MAGI1: variants seen among roughly 807,000 people sequenced by gnomAD.
MAGI1 encodes membrane-associated guanylate kinase, WW and PDZ domain-containing protein 1.
A neutral mutation model predicts 139.9 loss-of-function variants in MAGI1; 58 were observed. The ratio of observed to expected loss-of-function variants is 0.41; its 90% confidence interval spans 0.34 to 0.52. MAGI1 has a LOEUF of 0.52. Ranked by LOEUF, MAGI1 falls within the 20% of genes least tolerant of loss-of-function variation. The pLI is 0.12. For synonymous variants in MAGI1, 812 were observed against 737.9 expected (o/e 1.10, Z -1.63); for missense variants, 1,874 against 1,901.6 (o/e 0.99, Z 0.27).
At position 65,666,821 on chromosome 3, in the gene MAGI1, G is replaced by C. The variant is rs146339910; in HGVS notation, c.314-44733C>G. Among the ~76,000 whole-genome samples the C allele has an allele frequency of 8.0e-4, 122 of 152,274 alleles. 1 individual carries two copies. The highest frequency in any genetic ancestry group is 2.7e-3 in the African/African-American group (113 of 41,564). On this transcript the variant is annotated intron_variant, in intron 1 of 22. Transcript: ENST00000402939. ...GGATTCATCACAGATCAATCACGGAGACAGCTTTGGACTCTTCCAGAAATT... is the reference window on the plus strand; with the variant it reads ...GGATTCATCACAGATCAATCACGGACACAGCTTTGGACTCTTCCAGAAATT...
At chr3:65,643,673 A>G (rs1026003043) in intron 1 of MAGI1, among the ~76,000 whole-genome samples, 4 of 149,616 alleles carry the variant, frequency 2.7e-5, no homozygotes, top group African/African-American at 9.8e-5. Context: ...AACAACAACA[A>G]CAACAACAAA....
At chr3:65,833,399 T>C (rs777180187) in intron 1 of MAGI1, among the ~76,000 whole-genome samples, 21 of 152,006 alleles carry the variant, frequency 1.4e-4, no homozygotes, top group Non-Finnish European at 2.4e-4. Context: ...GATTACAGGT[T>C]TGAGCCACCA....
chr3:65,669,828 C>T lies in MAGI1; in HGVS notation c.314-47740G>A, dbSNP rs139599076. Among the ~76,000 whole-genome samples, 816 of 152,238 alleles carry T rather than the reference C, an allele frequency of 5.4e-3. 8 individuals are homozygous for T. Among genetic ancestry groups the T allele is most frequent in the South Asian group, 0.039 (190 of 4,812 alleles). On this transcript the variant is annotated intron_variant, in intron 1 of 22. Transcript: ENST00000402939. ...TCAGCCAGAATTGTGTAAGCTGAAC[C>T]AATTGAGATGCCTATGGTGTTGGTT...
At chr3:65,476,488 G>A (rs573092765) in intron 4 of MAGI1, among the ~76,000 whole-genome samples, 1 of 152,164 alleles carries the variant, frequency 6.6e-6, no homozygotes, top group African/African-American at 2.4e-5. Flanking sequence ...CAGATTTTCT[G>A]AGGCATGGCT....
intron 1 of MAGI1, among the ~76,000 whole-genome samples, chr3:65,772,831 C>G (rs79055056): frequency 0.049 from 7,530 of 152,236 alleles, 268 homozygotes; most frequent in Non-Finnish European, 0.075. Context: ...GAATTTCTTG[C>G]ATTTACAAAT....
intron 1 of MAGI1, among the ~76,000 whole-genome samples, chr3:65,875,660 G>T (rs145967887): frequency 0.012 from 1,796 of 152,192 alleles, 18 homozygotes; most frequent in Middle Eastern, 0.041. Context: ...ACTACAATAG[G>T]TCATACTGTA....
In MAGI1 at chr3:65,995,072, C is replaced by G. The variant is rs952181205; in HGVS notation, c.313+42924G>C. Among the ~76,000 whole-genome samples, 38 of 152,174 alleles carry G rather than the reference C, an allele frequency of 2.5e-4. 1 individual carries two copies. The highest frequency in any genetic ancestry group is 2.1e-4 in the South Asian group (1 of 4,816). On this transcript the variant is annotated intron_variant, in intron 1 of 22. Transcript: ENST00000402939. ...AGCTCCTCCATCCACATATAAGTTTCTCGGGGACAAAAACATTGTCTGTTC... is the reference window on the plus strand; with the variant it reads ...AGCTCCTCCATCCACATATAAGTTTGTCGGGGACAAAAACATTGTCTGTTC...
intron 1 of MAGI1, among the ~76,000 whole-genome samples, chr3:65,799,482 C>G (rs986149157): frequency 2.0e-5 from 3 of 152,166 alleles, no homozygotes; most frequent in Non-Finnish European, 4.4e-5. Flanking sequence ...GAGTCTCTAT[C>G]TGCTGATGAA....
intron 3 of MAGI1, among the ~76,000 whole-genome samples, chr3:65,492,323 C>A (rs966205146): frequency 6.6e-6 from 1 of 152,192 alleles, no homozygotes; most frequent in Non-Finnish European, 1.5e-5. Context: ...TTTGACCCAG[C>A]AATGGGATCT....
chr3:65,656,371 T>A (rs2085875458), intron 1 of MAGI1, among the ~76,000 whole-genome samples: 1 of 152,166 alleles, frequency 6.6e-6, no homozygotes, highest in African/African-American at 2.4e-5. Flanking sequence ...ATATTGGAAA[T>A]GAGGTGAAGT....
intron 12 of MAGI1, among the ~76,000 whole-genome samples, chr3:65,423,139 T>A (rs1946752692): frequency 6.6e-6 from 1 of 152,150 alleles, no homozygotes; most frequent in South Asian, 2.1e-4. Flanking sequence ...CCCAACATTA[T>A]TAAGATATCA....
chr3:65,812,044 G>A (rs1031023778), intron 1 of MAGI1, among the ~76,000 whole-genome samples: 1 of 151,944 alleles, frequency 6.6e-6, no homozygotes, highest in African/African-American at 2.4e-5. Context: ...CGGGAGAGGA[G>A]GTAATCTCAT....
intron 2 of MAGI1, among the ~76,000 whole-genome samples, chr3:65,544,319 G>A (rs2079398856): frequency 1.3e-5 from 2 of 152,176 alleles, no homozygotes; most frequent in Non-Finnish European, 2.9e-5. Context: ...CATACCTGTA[G>A]TTGTGCTAGT....
At chr3:65,426,161 AGAG>A (rs1380396359) in intron 12 of MAGI1, among the ~76,000 whole-genome samples, 1 of 152,116 alleles carries the variant, frequency 6.6e-6, no homozygotes. Context: ...ATGTTGATGA[AGAG>A]GAGATTTGTA....
At chr3:65,702,003 A>AT (rs1230670129) in intron 1 of MAGI1, among the ~76,000 whole-genome samples, 3 of 151,626 alleles carry the variant, frequency 2.0e-5, no homozygotes, top group Non-Finnish European at 2.9e-5. Context: ...TTATTTATTT[A>AT]TTTTTTTTGC....
In MAGI1 at chr3:65,680,021, G is replaced by A. The variant is rs77517249; in HGVS notation, c.314-57933C>T. 0.011 allele frequency among the ~76,000 whole-genome samples: 1,742 copies of A among 152,218 alleles called. 103 individuals carry two copies. In the East Asian group the frequency reaches 0.19, roughly 17 times the overall value. On this transcript the variant is annotated intron_variant, in intron 1 of 22. Transcript: ENST00000402939. The stretch of plus-strand genomic sequence containing the variant: ...GGCATACAGGGTCCTTGCTTAGAGG[G>A]TAGAAAGATTAGTTCTCTCTCTCTT...
At chr3:65,463,030 G>A (rs1291697737) in intron 5 of MAGI1, among the ~76,000 whole-genome samples, 1 of 152,136 alleles carries the variant, frequency 6.6e-6, no homozygotes, top group Non-Finnish European at 1.5e-5. Context: ...CTGAGATGAT[G>A]GGGTTTTCTA....
intron 1 of MAGI1, among the ~76,000 whole-genome samples, chr3:65,966,681 T>A (rs1159191752): frequency 6.6e-6 from 1 of 152,058 alleles, no homozygotes; most frequent in African/African-American, 2.4e-5. Flanking sequence ...AGATTTGTGA[T>A]CAAACCCCAT....
chr3:65,435,066 T>C (rs1169690051), intron 10 of MAGI1, among the ~76,000 whole-genome samples: 1 of 152,166 alleles, frequency 6.6e-6, no homozygotes, highest in Admixed American at 6.5e-5. Context: ...AAGTGGACCC[T>C]CATTGGACAC....
Sources: gnomAD v4.1 joint callset for allele counts (sites outside exome capture counted in the v4.1 genomes callset) on GRCh38, gnomAD v4.1.1 for gene constraint, MANE v1.5 for transcripts, NCBI Gene and HGNC (gene_info 2026-07-23, HGNC 2026-07-21) for gene names.